The following PRR5L variants were observed in gnomAD, a reference collection of about 807,000 sequenced individuals.
PRR5L encodes the protein proline-rich protein 5-like.
In PRR5L, 21 loss-of-function variants were observed where a neutral mutation model predicts 36.4. The ratio of observed to expected loss-of-function variants is 0.58; its 90% confidence interval spans 0.41 to 0.83. The LOEUF (loss-of-function observed/expected upper bound fraction) is 0.83, where lower values mean the gene tolerates loss of function less well. Among genes scored for constraint, PRR5L ranks in the 40% least tolerant of loss-of-function variants. The pLI is 0.00. For synonymous variants in PRR5L, 188 were observed against 197.0 expected (o/e 0.95, Z 0.38); for missense variants, 381 against 473.3 (o/e 0.80, Z 1.81).
chr11:36,398,815 C>T (rs1008473971), intron 1 of PRR5L: 8 of 152,190 alleles, frequency 5.3e-5, no homozygotes, highest in African/African-American at 1.7e-4. Context: ...GTGGATGTTT[C>T]GGCAGGAAGA....
intron 1 of PRR5L, among the ~76,000 whole-genome samples, chr11:36,310,470 A>ATG (rs111253815): frequency 0.062 from 9,510 of 152,228 alleles, 1,007 homozygotes; most frequent in African/African-American, 0.21. Context: ...AAGGATACAA[A>ATG]TGCAAGTAAT....
rs1267314168 is a variant in PRR5L at position 36,446,321 on chromosome 11, C to G, written c.466C>G (p.Gln156Glu). ...CTAGGGCCAGGAGCTGACTATCCGC[C>G]AGATCTCCCTGCTGGGCTTCCGAGA... is the stretch of plus-strand genomic sequence containing the variant. ...PVQGQELTIR[Q>E]ISLLGFRDLV... is the part of the protein sequence containing the mutation. Residue 156 changes from glutamine (Q) to glutamate (E), a missense_variant, in exon 7 of 9, where the codon CAG becomes GAG. Coordinates refer to ENST00000530639, the MANE Select transcript of PRR5L (RefSeq NM_001160167.2). 6.2e-7 allele frequency: 1 copy of G among 1,614,006 alleles called. No individual in the cohort carries two copies. The highest frequency in any genetic ancestry group is 8.5e-7 in the Non-Finnish European group (1 of 1,180,026).
intron 6 of PRR5L, 25 bp from the exon 7 acceptor site, chr11:36,446,275 G>A: frequency 6.2e-7 from 1 of 1,610,936 alleles, no homozygotes; most frequent in Non-Finnish European, 8.5e-7. Context: ...TCACCTCCCG[G>A]CCCTCTCTCC....
At chr11:36,416,370 A>C (rs1361080939) in intron 3 of PRR5L, among the ~76,000 whole-genome samples, 2 of 152,202 alleles carry the variant, frequency 1.3e-5, no homozygotes, top group African/African-American at 2.4e-5. Flanking sequence ...TACCTAGTGG[A>C]GAAGGTTTTG....
intron 1 of PRR5L, among the ~76,000 whole-genome samples, chr11:36,314,760 G>T (rs193155787): frequency 7.9e-5 from 12 of 152,274 alleles, no homozygotes; most frequent in African/African-American, 2.4e-4. Flanking sequence ...CTTTCCTTAA[G>T]GGGTCTCAAA....
chr11:36,323,406 G>A (rs921432088), intron 1 of PRR5L: 1 of 152,236 alleles, frequency 6.6e-6, no homozygotes, highest in African/African-American at 2.4e-5. Context: ...ATCAACTTGG[G>A]TTCATCGTCT....
At chr11:36,331,121 C>G (rs1856714520) in intron 1 of PRR5L, among the ~76,000 whole-genome samples, 1 of 152,126 alleles carries the variant, frequency 6.6e-6, no homozygotes, top group African/African-American at 2.4e-5. Flanking sequence ...TGACAGATTT[C>G]TAAGAACATT....
chr11:36,405,110 T>C (rs1490176990), intron 3 of PRR5L, among the ~76,000 whole-genome samples: 13 of 152,082 alleles, frequency 8.5e-5, no homozygotes, highest in Admixed American at 8.5e-4. Flanking sequence ...CTGGGAGAGG[T>C]ACAGGTCAAG....
chr11:36,315,896 G>C (rs891002446), intron 1 of PRR5L, among the ~76,000 whole-genome samples: 1 of 152,212 alleles, frequency 6.6e-6, no homozygotes, highest in Non-Finnish European at 1.5e-5. Flanking sequence ...AGCTACCTAA[G>C]AAGTGGGTGG....
intron 8 of PRR5L, among the ~76,000 whole-genome samples, chr11:36,452,708 G>A (rs763959014): frequency 1.8e-4 from 27 of 152,266 alleles, no homozygotes; most frequent in Non-Finnish European, 3.1e-4. Flanking sequence ...CATCCAGGGA[G>A]CTGTCAGGAC....
At chr11:36,405,680 G>A (rs1042362032) in intron 3 of PRR5L, among the ~76,000 whole-genome samples, 6 of 152,154 alleles carry the variant, frequency 3.9e-5, no homozygotes, top group Non-Finnish European at 8.8e-5. Context: ...AGTCTACCGG[G>A]GCTGCCATAA....
rs1323895906 is a variant in PRR5L at position 36,350,954 on chromosome 11, A to ATATATTTATATATTTATATATT, written c.-125-50038_-125-50037insTTATATATTTATATATTTATAT. 6.4e-4 allele frequency among the ~76,000 whole-genome samples: 9 copies of ATATATTTATATATTTATATATT among 13,982 alleles called. 1 individual carries two copies. Among genetic ancestry groups the ATATATTTATATATTTATATATT allele is most frequent in the African/African-American group, 8.3e-4 (4 of 4,824 alleles). The allele number at this position is 13,982 out of a possible 152,430, so 9.2% of individuals were successfully genotyped here. A position where few individuals can be genotyped will look rare whatever the true frequency, so the allele number is the denominator to read the frequency against. ...TTTATATATTTATATATATATATTTATATATATTTATATATTTATATATAT... is the reference window on the plus strand; with the variant it reads ...TTTATATATTTATATATATATATTTATATATTTATATATTTATATATTTATATATTTATATATTTATATATAT... On this transcript the variant is annotated intron_variant, in intron 1 of 8. Transcript: ENST00000530639.
chr11:36,415,751 AAC>A (rs549715520), intron 3 of PRR5L, among the ~76,000 whole-genome samples: 75 of 152,288 alleles, frequency 4.9e-4, no homozygotes, highest in African/African-American at 1.6e-3. Context: ...CTCAATAAAA[AAC>A]AGTTAATTAA....
intron 3 of PRR5L, among the ~76,000 whole-genome samples, chr11:36,407,439 C>T (rs1857934392): frequency 6.6e-6 from 1 of 152,218 alleles, no homozygotes; most frequent in Non-Finnish European, 1.5e-5. Flanking sequence ...GAGGTGAGCT[C>T]ACTTTGAACT....
chr11:36,319,430 A>G (rs936203053), intron 1 of PRR5L, among the ~76,000 whole-genome samples: 2 of 152,222 alleles, frequency 1.3e-5, no homozygotes, highest in African/African-American at 4.8e-5. Context: ...CTTTTAATCT[A>G]CCTAAGTCAG....
intron 1 of PRR5L, among the ~76,000 whole-genome samples, chr11:36,400,175 C>G (rs893448561): frequency 6.6e-6 from 1 of 152,144 alleles, no homozygotes; most frequent in Non-Finnish European, 1.5e-5. Flanking sequence ...GTAGTTGGTA[C>G]GAGCAAAAGT....
intron 6 of PRR5L, among the ~76,000 whole-genome samples, chr11:36,445,154 C>T (rs1051435515): frequency 1.3e-5 from 2 of 152,122 alleles, no homozygotes; most frequent in Non-Finnish European, 2.9e-5. Context: ...CACTCTTGAC[C>T]ATGTTTCTAT....
At chr11:36,449,999 T>C (rs964931191) in intron 7 of PRR5L, among the ~76,000 whole-genome samples, 1 of 152,154 alleles carries the variant, frequency 6.6e-6, no homozygotes, top group African/African-American at 2.4e-5. Context: ...TGTTTCTACC[T>C]CCAAATCTGC....
intron 1 of PRR5L, among the ~76,000 whole-genome samples, chr11:36,384,547 A>G (rs544033000): frequency 6.6e-6 from 1 of 152,284 alleles, no homozygotes; most frequent in Non-Finnish European, 1.5e-5. Flanking sequence ...TCATATGTGG[A>G]TATTTCCATC....
Sources: allele counts gnomAD v4.1 joint callset (sites outside exome capture counted in the v4.1 genomes callset), GRCh38; gene constraint gnomAD v4.1.1; transcripts MANE v1.5; gene names NCBI Gene and HGNC (gene_info 2026-07-23, HGNC 2026-07-21).